GPD1L: variants seen among roughly 807,000 people sequenced by gnomAD.
GPD1L encodes glycerol-3-phosphate dehydrogenase 1-like protein.
GPD1L carries 17 observed loss-of-function variants against 32.9 expected under a neutral mutation model. The observed-to-expected ratio is 0.52, with a 90% CI of 0.35 to 0.78. GPD1L has a LOEUF of 0.78. Among genes scored for constraint, GPD1L ranks in the 30% least tolerant of loss-of-function variants. The pLI is 0.01. For synonymous variants in GPD1L, 187 were observed against 165.9 expected (o/e 1.13, Z -0.98); for missense variants, 361 against 447.8 (o/e 0.81, Z 1.75).
chr3:32,161,443 G>T (rs912625160), intron 7 of GPD1L, among the ~76,000 whole-genome samples: 5 of 152,102 alleles, frequency 3.3e-5, no homozygotes, highest in Non-Finnish European at 7.4e-5. Flanking sequence ...GTTTGTGTGT[G>T]GTTGGACTAC....
chr3:32,126,822 C>T (rs1405320840), intron 1 of GPD1L, among the ~76,000 whole-genome samples: 1 of 152,158 alleles, frequency 6.6e-6, no homozygotes, highest in Non-Finnish European at 1.5e-5. Flanking sequence ...GTACAGATGC[C>T]TGATCCCACC....
At chr3:32,123,468 C>T (rs1334243423) in intron 1 of GPD1L, among the ~76,000 whole-genome samples, 1 of 152,120 alleles carries the variant, frequency 6.6e-6, no homozygotes, top group African/African-American at 2.4e-5. Flanking sequence ...TTGAAAAGGG[C>T]ATGAGTGATT....
At chr3:32,141,145 G>T (rs1259807015) in intron 4 of GPD1L, among the ~76,000 whole-genome samples, 1 of 152,080 alleles carries the variant, frequency 6.6e-6, no homozygotes, top group Non-Finnish European at 1.5e-5. Context: ...TTTCCCCTTG[G>T]CAGCTTTGTA....
chr3:32,111,958 A>G (rs892730686), intron 1 of GPD1L, among the ~76,000 whole-genome samples: 8 of 152,048 alleles, frequency 5.3e-5, no homozygotes, highest in East Asian at 1.9e-4. Context: ...TTGAGTGACT[A>G]TAAGTTAGCT....
At position 32,164,542 on chromosome 3, in the gene GPD1L, A is replaced by G. The variant is rs371303559; in HGVS notation, c.960-1272A>G. 1.7e-4 allele frequency among the ~76,000 whole-genome samples: 26 copies of G among 152,352 alleles called. No homozygotes were observed. The East Asian group carries it at 3.3e-3, about 19-fold the overall frequency. On this transcript the variant is annotated intron_variant, in intron 7 of 7. Coordinates refer to ENST00000282541, the MANE Select transcript of GPD1L (RefSeq NM_015141.4). ...CAAGTGTGTACTGTGTGCTTCACAC[A>G]TAAGTCATTTAATACTTGCAGCAAG...
At chr3:32,119,746 A>C (rs1287955485) in intron 1 of GPD1L, among the ~76,000 whole-genome samples, 1 of 152,148 alleles carries the variant, frequency 6.6e-6, no homozygotes, top group East Asian at 1.9e-4. Context: ...TGAGTGAAAA[A>C]GTACATGTTA....
At chr3:32,146,440 A>G (rs533945459) in intron 4 of GPD1L, among the ~76,000 whole-genome samples, 182 bp from the exon 5 acceptor site, 135 of 152,274 alleles carry the variant, frequency 8.9e-4, no homozygotes, top group African/African-American at 3.0e-3. Context: ...CAAATTGTAA[A>G]TGATCACCTC....
chr3:32,116,256 A>G (rs900341308), intron 1 of GPD1L, among the ~76,000 whole-genome samples: 5 of 152,220 alleles, frequency 3.3e-5, no homozygotes, highest in Non-Finnish European at 5.9e-5. Context: ...AGAAATGATT[A>G]TGGATAAATT....
chr3:32,154,722 C>T (rs562313870), intron 5 of GPD1L, among the ~76,000 whole-genome samples: 1 of 150,594 alleles, frequency 6.6e-6, no homozygotes, highest in African/African-American at 2.5e-5. Flanking sequence ...TTTGCTGTTG[C>T]TATTTTTTAT....
intron 1 of GPD1L, among the ~76,000 whole-genome samples, chr3:32,113,471 G>A (rs1230463409): frequency 3.9e-5 from 6 of 152,116 alleles, no homozygotes; most frequent in Non-Finnish European, 7.4e-5. Flanking sequence ...CAGGTGGACA[G>A]TAGTTTCTGG....
In GPD1L at chr3:32,167,754, CT is replaced by C. The variant is rs967309418; in HGVS notation, c.*1851del. ...GTCCCTCAATGCCAGTTTAGGATTT[CT>C]TTTTTTCTATACCTTGAAATGATTA... On this transcript the variant is annotated 3_prime_UTR_variant, in exon 8 of 8. Coordinates refer to ENST00000282541, the MANE Select transcript of GPD1L (RefSeq NM_015141.4). The C allele has an allele frequency of 9.8e-5, 15 of 152,480 alleles. 1 individual carries two copies. The highest frequency in any genetic ancestry group is 3.6e-4 in the African/African-American group (15 of 41,542). 9.4% of individuals were successfully genotyped at this position (152,480 alleles called of 1,614,324 possible).
intron 2 of GPD1L, among the ~76,000 whole-genome samples, chr3:32,135,690 C>T (rs913709663): frequency 6.6e-6 from 1 of 152,064 alleles, no homozygotes. Flanking sequence ...TGGCCTCAAG[C>T]GATCCACCCA....
chr3:32,106,632 C>T lies in GPD1L; in HGVS notation c.-80C>T. 2 of 1,339,874 alleles carry T rather than the reference C, an allele frequency of 1.5e-6. No individual in the cohort carries two copies. The highest frequency in any genetic ancestry group is 2.0e-6 in the Non-Finnish European group (2 of 1,024,004). The allele number at this position is 1,339,874 out of a possible 1,614,324, so 83.0% of individuals were successfully genotyped here. On this transcript the variant is annotated 5_prime_UTR_variant, in exon 1 of 8. Coordinates refer to ENST00000282541, the MANE Select transcript of GPD1L (RefSeq NM_015141.4). The surrounding 1 kb of genome is among the most constrained non-coding windows in gnomAD (Gnocchi z 4.0). ...CGAAAGGGGCGGGGCCGCCGCCAGC[C>T]GCTGCGGGCAAGGCTGAACAGGCGG...
At chr3:32,121,737 CTATATATATATTTCTA>C (rs1163171353) in intron 1 of GPD1L, among the ~76,000 whole-genome samples, 23 of 127,370 alleles carry the variant, frequency 1.8e-4, no homozygotes, top group South Asian at 1.2e-3. Flanking sequence ...ATATATATTT[CTATATATATATTTCTA>C]TATATATATA....
chr3:32,139,837 T>C (rs1700713682), intron 3 of GPD1L, among the ~76,000 whole-genome samples: 1 of 152,226 alleles, frequency 6.6e-6, no homozygotes. Context: ...ACTCTCTTTA[T>C]AGACTTGAAA....
chr3:32,138,966 C>G (rs1331037154), intron 3 of GPD1L, among the ~76,000 whole-genome samples: 1 of 152,108 alleles, frequency 6.6e-6, no homozygotes, highest in Non-Finnish European at 1.5e-5. Context: ...GCTGTGCCGC[C>G]CCTTCCAGTC....
At chr3:32,163,405 T>C (rs1046840664) in intron 7 of GPD1L, among the ~76,000 whole-genome samples, 6 of 151,992 alleles carry the variant, frequency 3.9e-5, no homozygotes, top group African/African-American at 1.4e-4. Context: ...CCTGACCTCG[T>C]GATCCACCTG....
chr3:32,143,855 G>A (rs13433838), intron 4 of GPD1L, among the ~76,000 whole-genome samples: 1,963 of 152,212 alleles, frequency 0.013, 55 homozygotes, highest in African/African-American at 0.044. Context: ...GGTGGTGCAC[G>A]CCTATGGTCC....
chr3:32,135,693 TCCAC>T (rs1375855858), intron 2 of GPD1L, among the ~76,000 whole-genome samples: 1 of 152,160 alleles, frequency 6.6e-6, no homozygotes, highest in Non-Finnish European at 1.5e-5. Flanking sequence ...CCTCAAGCGA[TCCAC>T]CCACCTCAGC....
Sources: gnomAD v4.1 joint callset for allele counts (sites outside exome capture counted in the v4.1 genomes callset) on GRCh38, gnomAD v4.1.1 for gene constraint, Gnocchi (gnomAD v3.1) non-coding constraint, MANE v1.5 for transcripts, NCBI Gene and HGNC (gene_info 2026-07-23, HGNC 2026-07-21) for gene names.